Variants in SLC13A3 observed in about 807,000 individuals in gnomAD.
SLC13A3 encodes the protein solute carrier family 13 member 3, also known as Na(+)/dicarboxylate cotransporter 3.
In SLC13A3, 40 loss-of-function variants were observed where a neutral mutation model predicts 59.0. That is an observed-to-expected ratio of 0.68 (90% CI 0.53 to 0.88). SLC13A3 has a LOEUF of 0.88. SLC13A3 is among the 40% of genes least tolerant of loss of function. SLC13A3 has a pLI of 0.00. For missense variants in SLC13A3, 699 were observed against 783.2 expected (o/e 0.89, Z 1.28); for synonymous variants, 317 against 330.3 (o/e 0.96, Z 0.44).
At chr20:46,628,180 C>T (rs543573650) in intron 1 of SLC13A3, among the ~76,000 whole-genome samples, 16 of 152,226 alleles carry the variant, frequency 1.1e-4, no homozygotes, top group Non-Finnish European at 1.8e-4. Context: ...CACATGATCC[C>T]GAGGCACTGC....
At chr20:46,636,242 C>G (rs570860934) in intron 1 of SLC13A3, among the ~76,000 whole-genome samples, 2 of 152,158 alleles carry the variant, frequency 1.3e-5, no homozygotes, top group South Asian at 2.1e-4. Flanking sequence ...GCACTGGGAC[C>G]CCTTTCTGCC....
At chr20:46,587,984 G>A (rs974204156) in intron 8 of SLC13A3, 75 bp downstream of exon 8, 9 of 731,556 alleles carry the variant, frequency 1.2e-5, no homozygotes, top group African/African-American at 8.9e-5. Context: ...CTGCACTGCC[G>A]CCTCTCCAGC....
intron 9 of SLC13A3, chr20:46,582,774 T>G: frequency 1.0e-6 from 1 of 985,314 alleles, no homozygotes; most frequent in Non-Finnish European, 1.2e-6. Flanking sequence ...TTGATTATAG[T>G]CCCTATTTCC....
intron 1 of SLC13A3, among the ~76,000 whole-genome samples, chr20:46,617,268 T>C (rs890384367): frequency 6.6e-6 from 1 of 152,214 alleles, no homozygotes; most frequent in Non-Finnish European, 1.5e-5. Flanking sequence ...TGCCCTGGGC[T>C]GGAAGCTGGT....
At chr20:46,641,896 A>G (rs892449003) in intron 1 of SLC13A3, among the ~76,000 whole-genome samples, 15 of 152,142 alleles carry the variant, frequency 9.9e-5, no homozygotes, top group African/African-American at 3.4e-4. Context: ...GAGGGATCTC[A>G]CATGAATCCA....
chr20:46,569,985 A>C (rs2062016239), intron 10 of SLC13A3, among the ~76,000 whole-genome samples: 1 of 152,242 alleles, frequency 6.6e-6, no homozygotes, highest in Non-Finnish European at 1.5e-5. Flanking sequence ...GTAAAACACA[A>C]CGGGCTCGGC....
intron 1 of SLC13A3, among the ~76,000 whole-genome samples, chr20:46,675,177 G>C (rs2122940409): frequency 6.6e-6 from 1 of 151,922 alleles, no homozygotes; most frequent in Middle Eastern, 3.4e-3. Flanking sequence ...TCAGAATGGG[G>C]AGTGTTGGGG....
Position 46,589,187 on chromosome 20 carries a change from T to C in SLC13A3, c.989A>G (p.Glu330Gly). The change falls in exon 7 of 13, where the codon GAA (glutamate) becomes GGA (glycine). Residue 330 changes from glutamate (E) to glycine (G), a missense_variant. Glu to Gly is a moderately conservative substitution (Grantham distance 98). Coordinates refer to ENST00000279027, the MANE Select transcript of SLC13A3 (RefSeq NM_022829.6). ...GATGGGCCCCAGGTTCTGGTATTCT[T>C]CCCGAATTACAGCTCGAGCCCTATC... Reference protein sequence around the residue: ...AEDRARAVIREEYQNLGPIKF... With the variant: ...AEDRARAVIRGEYQNLGPIKF... The C allele has an allele frequency of 6.2e-7, 1 of 1,614,170 alleles. No homozygotes were observed. Among genetic ancestry groups the C allele is most frequent in the Non-Finnish European group, 8.5e-7 (1 of 1,180,018 alleles).
intron 1 of SLC13A3, among the ~76,000 whole-genome samples, chr20:46,648,915 TCACACACACACACACACACACACACATA>T (rs1216876375): frequency 4.1e-5 from 6 of 145,264 alleles, no homozygotes; most frequent in Admixed American, 2.8e-4. Context: ...TCTCTCTCTC[TCACACACACACACACACACACACACATA>T]CACACACACA....
At chr20:46,661,285 T>A (rs16991719) in intron 1 of SLC13A3, among the ~76,000 whole-genome samples, 1 of 152,056 alleles carries the variant, frequency 6.6e-6, no homozygotes, top group Non-Finnish European at 1.5e-5. Flanking sequence ...ACCGATAGAG[T>A]ATGGAATTAA....
chr20:46,675,163 G>A (rs1051019679), intron 1 of SLC13A3, among the ~76,000 whole-genome samples: 1 of 152,060 alleles, frequency 6.6e-6, no homozygotes, highest in Non-Finnish European at 1.5e-5. Context: ...GAACAGCAGA[G>A]GGGTCAGAAT....
At chr20:46,582,117 T>C (rs1160721748) in intron 9 of SLC13A3, among the ~76,000 whole-genome samples, 1 of 151,880 alleles carries the variant, frequency 6.6e-6, no homozygotes, top group East Asian at 1.9e-4. Flanking sequence ...GCAAGACCCC[T>C]GTTCCTACAA....
intron 1 of SLC13A3, among the ~76,000 whole-genome samples, chr20:46,618,626 C>T (rs2062585388): frequency 1.3e-5 from 2 of 152,250 alleles, no homozygotes; most frequent in South Asian, 4.1e-4. Context: ...CAATAAGGCA[C>T]TGTCTTTGAA....
intron 1 of SLC13A3, among the ~76,000 whole-genome samples, chr20:46,625,646 G>C (rs1437370266): frequency 6.6e-6 from 1 of 152,146 alleles, no homozygotes; most frequent in African/African-American, 2.4e-5. Context: ...CCAAAACAGT[G>C]CTGCAATTTC....
intron 10 of SLC13A3, among the ~76,000 whole-genome samples, chr20:46,568,746 A>T (rs1442932927): frequency 6.6e-6 from 1 of 152,142 alleles, no homozygotes; most frequent in Non-Finnish European, 1.5e-5. Flanking sequence ...GCGCAATTAA[A>T]GGGAGAGGGG....
At chr20:46,674,945 G>A (rs1008876105), upstream of SLC13A3, among the ~76,000 whole-genome samples, 3 of 152,140 alleles carry the variant, frequency 2.0e-5, no homozygotes, top group Non-Finnish European at 2.9e-5. Context: ...GGGCTGGGAT[G>A]AGGGTGCTGT....
chr20:46,667,175 C>T (rs1423879891), intron 1 of SLC13A3, among the ~76,000 whole-genome samples: 2 of 152,162 alleles, frequency 1.3e-5, no homozygotes, highest in South Asian at 2.1e-4. Flanking sequence ...CAATAACCGG[C>T]TTCATCAAAG....
intron 1 of SLC13A3, among the ~76,000 whole-genome samples, chr20:46,631,456 C>T (rs200723534): frequency 2.6e-5 from 4 of 152,144 alleles, no homozygotes; most frequent in Non-Finnish European, 5.9e-5. Flanking sequence ...TCTCTTAGTT[C>T]ATTGAAAGAC....
At chr20:46,684,123 C>T (rs759441259) in intron 1 of SLC13A3, among the ~76,000 whole-genome samples, 6 of 152,172 alleles carry the variant, frequency 3.9e-5, no homozygotes, top group Non-Finnish European at 5.9e-5. Flanking sequence ...GCCTTGCTGT[C>T]GGGGATGTTT....
Sources: allele counts gnomAD v4.1 joint callset (sites outside exome capture counted in the v4.1 genomes callset), GRCh38; gene constraint gnomAD v4.1.1; transcripts MANE v1.5; gene names NCBI Gene and HGNC (gene_info 2026-07-23, HGNC 2026-07-21).